MEGF10: variants seen among roughly 807,000 people sequenced by gnomAD.
The protein encoded by MEGF10 is multiple EGF like domains 10, also known as multiple epidermal growth factor-like domains protein 10.
A neutral mutation model predicts 147.5 loss-of-function variants in MEGF10; 86 were observed. The observed-to-expected ratio is 0.58, with a 90% confidence interval of 0.49 to 0.70. MEGF10 has a LOEUF of 0.70. MEGF10 is among the 30% of genes least tolerant of loss of function. The pLI is 0.00. For synonymous variants in MEGF10, 478 were observed against 525.5 expected (o/e 0.91, Z 1.24); for missense variants, 1,329 against 1,487.3 (o/e 0.89, Z 1.75).
chr5:127,337,562 T>G (rs1761515796), intron 2 of MEGF10, among the ~76,000 whole-genome samples: 1 of 152,096 alleles, frequency 6.6e-6, no homozygotes, highest in Non-Finnish European at 1.5e-5. Flanking sequence ...TATTAATATT[T>G]TAGCAGGGGC....
the MEGF10 span, among the ~76,000 whole-genome samples, chr5:127,258,549 T>A: frequency 6.6e-6 from 1 of 152,176 alleles, no homozygotes; most frequent in East Asian, 1.9e-4. Flanking sequence ...TTTATAGACA[T>A]TTCTCTGAGC....
intron 18 of MEGF10, among the ~76,000 whole-genome samples, chr5:127,442,540 A>G (rs530020767): frequency 3.4e-4 from 52 of 152,304 alleles, no homozygotes; most frequent in African/African-American, 1.2e-3. Flanking sequence ...GGCTAATTCA[A>G]TTGAGAATGT....
intron 1 of MEGF10, among the ~76,000 whole-genome samples, chr5:127,303,498 G>A (rs776511223): frequency 6.6e-6 from 1 of 151,982 alleles, no homozygotes; most frequent in Non-Finnish European, 1.5e-5. Flanking sequence ...TAAAAATGGG[G>A]AAGACAATAA....
chr5:127,413,175 A>G (rs1406555611), intron 9 of MEGF10, among the ~76,000 whole-genome samples: 1 of 152,230 alleles, frequency 6.6e-6, no homozygotes, highest in Non-Finnish European at 1.5e-5. Flanking sequence ...AAATATATTT[A>G]TAAGTAATAT....
At position 127,309,947 on chromosome 5, in the gene MEGF10, C is replaced by CTCTTTCCTTCTTTCTTTCTT. The variant is rs1554088995; in HGVS notation, c.-19+18897_-19+18898insCTTCTTTCTTTCTTTCTTTC. On this transcript the variant is annotated intron_variant, in intron 1 of 24. Coordinates refer to ENST00000503335, the MANE Select transcript of MEGF10 (RefSeq NM_001256545.2). ...TCCAATTTTTCCACATCCTTGCCAA[C>CTCTTTCCTTCTTTCTTTCTT]TCTTTCTTTCTTTCTTTCTTTCTTT... Among the ~76,000 whole-genome samples, 815 of 90,428 alleles carry CTCTTTCCTTCTTTCTTTCTT rather than the reference C, an allele frequency of 9.0e-3. 150 individuals carry two copies. The highest frequency in any genetic ancestry group is 0.013 in the Middle Eastern group (2 of 154). The allele number at this position is 90,428 out of a possible 152,430, so 59.3% of individuals were successfully genotyped here.
intron 24 of MEGF10, 60 bp from the exon 25 acceptor site, chr5:127,457,068 C>A: frequency 6.8e-7 from 1 of 1,460,376 alleles, no homozygotes; most frequent in Non-Finnish European, 9.2e-7. Context: ...CAAGAAATGC[C>A]ATATTCTTTT....
chr5:127,259,981 AC>A, the MEGF10 span, among the ~76,000 whole-genome samples: 13 of 151,932 alleles, frequency 8.6e-5, no homozygotes, highest in Admixed American at 4.6e-4. Context: ...ACATGGTGAA[AC>A]CCTGTCTCTA....
chr5:127,396,897 G>C, intron 6 of MEGF10, 119 bp downstream of exon 6: 1 of 1,421,062 alleles, frequency 7.0e-7, no homozygotes, highest in Non-Finnish European at 9.5e-7. Context: ...GTTACTGATG[G>C]GTCTAGGCTG....
At chr5:127,240,217 A>G in the MEGF10 span, among the ~76,000 whole-genome samples, 2 of 152,124 alleles carry the variant, frequency 1.3e-5, no homozygotes, top group Non-Finnish European at 2.9e-5. Flanking sequence ...GGGCTTATTC[A>G]TTCTTTAAAT....
chr5:127,279,322 T>C, the MEGF10 span, among the ~76,000 whole-genome samples: 1 of 152,042 alleles, frequency 6.6e-6, no homozygotes, highest in African/African-American at 2.4e-5. Flanking sequence ...AAACTGAGAT[T>C]ATGGAGAGGC....
intron 1 of MEGF10, among the ~76,000 whole-genome samples, chr5:127,301,798 A>AT (rs1321016703): frequency 1.3e-5 from 2 of 152,232 alleles, no homozygotes; most frequent in East Asian, 3.8e-4. Context: ...AGTTATTATT[A>AT]TTTAACACCA....
At chr5:127,243,403 A>C in the MEGF10 span, among the ~76,000 whole-genome samples, 4 of 152,174 alleles carry the variant, frequency 2.6e-5, no homozygotes, top group Non-Finnish European at 5.9e-5. Flanking sequence ...TATCCCTCCC[A>C]AAAAAGCTCT....
rs1350028040 is a variant in MEGF10, at chr5:127,445,374, A to G, written c.2492-83A>G. ...GAACTGAAAATATGCAGGCATTAGC[A>G]CAGAAGGAGGTTTTTGTAAGTAGAG... is the stretch of plus-strand genomic sequence containing the variant. On this transcript the variant is annotated intron_variant, in intron 19 of 24. Coordinates refer to ENST00000503335, the MANE Select transcript of MEGF10 (RefSeq NM_001256545.2). 4.0e-6 allele frequency: 4 copies of G among 994,092 alleles called. No individual in the cohort carries two copies. In the African/African-American group the frequency reaches 6.4e-5, roughly 16 times the overall value. The allele number at this position is 994,092 out of a possible 1,614,324, so 61.6% of individuals were successfully genotyped here.
the MEGF10 span, among the ~76,000 whole-genome samples, chr5:127,241,443 T>G: frequency 6.6e-6 from 1 of 152,050 alleles, no homozygotes; most frequent in African/African-American, 2.4e-5. Context: ...TAGGGTGAAT[T>G]TTGGATATTT....
the MEGF10 span, among the ~76,000 whole-genome samples, chr5:127,274,744 C>A: frequency 1.3e-5 from 2 of 152,006 alleles, no homozygotes; most frequent in Non-Finnish European, 2.9e-5. Flanking sequence ...TACTTTAATA[C>A]TTAAATCTTT....
chr5:127,447,425 C>A, intron 20 of MEGF10, 132 bp from the exon 21 acceptor site: 1 of 1,166,322 alleles, frequency 8.6e-7, no homozygotes, highest in Non-Finnish European at 1.2e-6. Flanking sequence ...CATCTGCCCG[C>A]CTTGGCCTCC....
chr5:127,310,019 T>C (rs1177750283), intron 1 of MEGF10, among the ~76,000 whole-genome samples: 1,254 of 58,604 alleles, frequency 0.021, 309 homozygotes, highest in Non-Finnish European at 0.036. Context: ...CCTTTCTTTT[T>C]TTCTTTCTTT....
chr5:127,367,551 C>T (rs1762701745), intron 4 of MEGF10, among the ~76,000 whole-genome samples: 1 of 152,140 alleles, frequency 6.6e-6, no homozygotes, highest in South Asian at 2.1e-4. Context: ...CACTATTAAA[C>T]ACAAAAGTCT....
At chr5:127,247,401 G>GAAC in the MEGF10 span, among the ~76,000 whole-genome samples, 1 of 54,608 alleles carries the variant, frequency 1.8e-5, no homozygotes, top group South Asian at 7.0e-4. Flanking sequence ...AGAAGAAGAA[G>GAAC]AAGAAGAAGA....
Sources: allele counts gnomAD v4.1 joint callset (sites outside exome capture counted in the v4.1 genomes callset), GRCh38; gene constraint gnomAD v4.1.1; transcripts MANE v1.5; gene names NCBI Gene and HGNC (gene_info 2026-07-23, HGNC 2026-07-21).